The following ZNF737 variants were observed in gnomAD, a reference collection of about 807,000 sequenced individuals.
The protein encoded by ZNF737 is zinc finger protein 737.
Under a neutral mutation model 11.7 loss-of-function variants are expected in ZNF737, and 13 were observed. That is an observed-to-expected ratio of 1.11 (90% confidence interval 0.73 to 1.77). The LOEUF (loss-of-function observed/expected upper bound fraction) is 1.77, where lower values mean the gene tolerates loss of function less well. Ranked by LOEUF, ZNF737 falls within the 40% of genes most tolerant of loss-of-function variation. ZNF737 has a pLI of 0.00. For missense variants in ZNF737, 636 were observed against 638.0 expected, an observed-to-expected ratio of 1.00 and a Z score of 0.03; for synonymous variants, 217 against 216.2, an observed-to-expected ratio of 1.00 and a Z score of -0.03.
chr19:20,552,701 A>C (rs1187346404), intron 2 of ZNF737, 131 bp from the exon 3 acceptor site: 1 of 580,786 alleles, frequency 1.7e-6, no homozygotes, highest in East Asian at 4.2e-5. Context: ...TATAACAGAA[A>C]TTTCTAAATA....
rs782775437 is a variant in ZNF737 at position 20,565,674 on chromosome 19, C to G, written c.-34G>C. 18 of 1,614,042 alleles carry G rather than the reference C, an allele frequency of 1.1e-5. No individual in the cohort carries two copies. Among genetic ancestry groups the G allele is most frequent in the Non-Finnish European group, 1.4e-5 (17 of 1,180,032 alleles). ...TTCCAGGGGCTCCCGGGCGTCTTAG[C>G]TGTGGATCTCCCAATACCTGCAGGA... On this transcript the variant is annotated 5_prime_UTR_variant, in exon 1 of 4. Transcript: ENST00000427401.
chr19:20,547,743 C>T (rs7248139), intron 3 of ZNF737, among the ~76,000 whole-genome samples: 10,053 of 152,126 alleles, frequency 0.066, 396 homozygotes, highest in Middle Eastern at 0.17. Context: ...GATCAACTTA[C>T]ACCCATTAGG....
chr19:20,552,438 T>G (rs1555758743), intron 3 of ZNF737, 37 bp downstream of exon 3: 1 of 1,459,626 alleles, frequency 6.9e-7, no homozygotes. Flanking sequence ...ACCTCTTATC[T>G]GTGTCGTCTG....
chr19:20,556,192 T>C (rs1395090115), intron 1 of ZNF737, among the ~76,000 whole-genome samples: 1 of 152,120 alleles, frequency 6.6e-6, no homozygotes, highest in African/African-American at 2.4e-5. Context: ...GGCCACCCTT[T>C]AGTGCAAAGG....
rs1283226447 is a variant in ZNF737, at chr19:20,542,890, T to C, written c.*1702A>G. On this transcript the variant is annotated 3_prime_UTR_variant, in exon 4 of 4. Coordinates refer to ENST00000427401, the MANE Select transcript of ZNF737 (RefSeq NM_001159293.2). ...ATTTGAAAGCTGTATTACATCATTA[T>C]TCAGCTTTCAAAAAATTTTATTCAA... The C allele has an allele frequency of 3.0e-6, 3 of 985,194 alleles. No homozygotes were observed. Among genetic ancestry groups the C allele is most frequent in the Non-Finnish European group, 3.6e-6 (3 of 829,810 alleles). 61.0% of individuals were successfully genotyped at this position (985,194 alleles called of 1,614,324 possible).
rs1968262898 is a variant in ZNF737, at chr19:20,542,671, A to G, written c.*1921T>C. On this transcript the variant is annotated 3_prime_UTR_variant, in exon 4 of 4. Transcript: ENST00000427401. ...ATTGCTCTGAACATTTACGTTATACATTACTTAATAGAATTTTACTACAAA... is the reference window on the plus strand; with the variant it reads ...ATTGCTCTGAACATTTACGTTATACGTTACTTAATAGAATTTTACTACAAA... The G allele has an allele frequency of 3.1e-6, 3 of 983,298 alleles. No homozygotes were observed. Among genetic ancestry groups the G allele is most frequent in the Non-Finnish European group, 3.6e-6 (3 of 828,020 alleles). The allele number at this position is 983,298 out of a possible 1,614,324, so 60.9% of individuals were successfully genotyped here.
downstream of ZNF737, chr19:20,535,961 T>A (rs1351700777): frequency 1.8e-6 from 1 of 568,814 alleles, no homozygotes; most frequent in African/African-American, 2.0e-5. Flanking sequence ...TTCTTCAGGA[T>A]TTTTCAGGGG....
At position 20,538,734 on chromosome 19, in the gene ZNF737, A is replaced by G. The variant is rs1325882929; in HGVS notation, c.*5858T>C. On this transcript the variant is annotated 3_prime_UTR_variant, in exon 4 of 4. Transcript: ENST00000427401. ...GCTGAGTGGAGGCACCACACTGCAC[A>G]TCAATGCTTTCCACATGCACCCAAT... is the stretch of plus-strand genomic sequence containing the variant. The G allele has an allele frequency of 3.0e-5, 30 of 985,304 alleles. No individual in the cohort carries two copies. The highest frequency in any genetic ancestry group is 3.6e-5 in the Non-Finnish European group (30 of 829,920). 61.0% of individuals were successfully genotyped at this position (985,304 alleles called of 1,614,324 possible).
Position 20,545,101 on chromosome 19 carries a change from G to T in ZNF737, c.1102C>A (p.Pro368Thr), listed in dbSNP as rs533044621. Residue 368 changes from proline to threonine, a missense_variant, in exon 4 of 4, where the codon CCC becomes ACC. Physicochemically the swap from Pro to Thr is conservative, Grantham distance 38 (BLOSUM62 -1). Coordinates refer to ENST00000427401, the MANE Select transcript of ZNF737 (RefSeq NM_001159293.2). ...THKIIHSGEK[P>T]YKCEECGKAF... ...TTGCCACATTCTTCACATTTGTAGG[G>T]TTTCTCTCCACTATGAATTATCTTG... 57 of 1,611,044 alleles carry T rather than the reference G, an allele frequency of 3.5e-5. No individual in the cohort carries two copies. Among genetic ancestry groups the T allele is most frequent in the Non-Finnish European group, 4.7e-5 (55 of 1,178,470 alleles).
intron 3 of ZNF737, among the ~76,000 whole-genome samples, chr19:20,549,046 T>C (rs1244736757): frequency 6.8e-6 from 1 of 146,656 alleles, no homozygotes; most frequent in African/African-American, 2.5e-5. Flanking sequence ...AGCAAATATA[T>C]ATTCATTGTT....
rs145412955 is a variant in ZNF737 at position 20,538,656 on chromosome 19, C to A, written c.*5936G>T. 4 of 985,054 alleles carry A rather than the reference C, an allele frequency of 4.1e-6. No homozygotes were observed. Among genetic ancestry groups the A allele is most frequent in the Non-Finnish European group, 3.6e-6 (3 of 829,728 alleles). The allele number at this position is 985,054 out of a possible 1,614,324, so 61.0% of individuals were successfully genotyped here. A position where few individuals can be genotyped will look rare whatever the true frequency, so the allele number is the denominator to read the frequency against. On this transcript the variant is annotated 3_prime_UTR_variant, in exon 4 of 4. Coordinates refer to ENST00000427401, the MANE Select transcript of ZNF737 (RefSeq NM_001159293.2). Reference sequence around the variant, plus strand: ...CAAACATTTCTAAAACCATTATGGACCCTGAGTAATTCAGGGGGAATTGGT... The same window carrying A: ...CAAACATTTCTAAAACCATTATGGAACCTGAGTAATTCAGGGGGAATTGGT...
intron 1 of ZNF737, among the ~76,000 whole-genome samples, chr19:20,555,337 C>T (rs906666298): frequency 7.2e-5 from 11 of 152,042 alleles, no homozygotes; most frequent in South Asian, 2.1e-4. Context: ...CACCCACTGC[C>T]ATGCCTGGCT....
In ZNF737 at chr19:20,565,557, C is replaced by G. The variant is rs1182202876; in HGVS notation, c.3+81G>C. 7 of 1,608,668 alleles carry G rather than the reference C, an allele frequency of 4.4e-6. No individual in the cohort carries two copies. The African/African-American group carries it at 8.0e-5, about 18-fold the overall frequency. ...GATTGTGGAGCTGACTGCGCAGAGG[C>G]CTGAGTCCCGCCACAGCCACTTCCC... On this transcript the variant is annotated intron_variant, in intron 1 of 3. Coordinates refer to ENST00000427401, the MANE Select transcript of ZNF737 (RefSeq NM_001159293.2).
chr19:20,561,899 G>A (rs1253964239), intron 1 of ZNF737, among the ~76,000 whole-genome samples: 2 of 152,164 alleles, frequency 1.3e-5, no homozygotes, highest in African/African-American at 4.8e-5. Flanking sequence ...CTGCAGTGAT[G>A]TTTAACAGTT....
chr19:20,540,193 A>G lies in ZNF737; in HGVS notation c.*4399T>C, dbSNP rs10854028. 398,256 of 982,688 alleles carry G rather than the reference A, an allele frequency of 0.41. 80,954 individuals carry two copies. The highest frequency in any genetic ancestry group is 0.48 in the Admixed American group (7,727 of 16,250). 60.9% of individuals were successfully genotyped at this position (982,688 alleles called of 1,614,324 possible). On this transcript the variant is annotated 3_prime_UTR_variant, in exon 4 of 4. Transcript: ENST00000427401. Reference sequence around the variant, plus strand: ...GCAGCTTACAACATGTTCTACCTAGAAGTCACTTACTTTCAGGCCAGCAGG... The same window carrying G: ...GCAGCTTACAACATGTTCTACCTAGGAGTCACTTACTTTCAGGCCAGCAGG...
At chr19:20,554,332 A>C (rs1048897567) in intron 1 of ZNF737, among the ~76,000 whole-genome samples, 8 of 152,252 alleles carry the variant, frequency 5.3e-5, no homozygotes, top group Admixed American at 5.2e-4. Flanking sequence ...TATTTTGTCA[A>C]ACATCCAGTA....
At chr19:20,564,587 G>A (rs1969223993) in intron 1 of ZNF737, among the ~76,000 whole-genome samples, 1 of 151,552 alleles carries the variant, frequency 6.6e-6, no homozygotes, top group Non-Finnish European at 1.5e-5. Context: ...GAGAGGCGGA[G>A]GTTGCAGTGA....
intron 1 of ZNF737, among the ~76,000 whole-genome samples, chr19:20,556,594 CATT>C (rs1251832926): frequency 6.6e-6 from 1 of 151,934 alleles, no homozygotes; most frequent in Admixed American, 6.5e-5. Context: ...CCCATTGGCT[CATT>C]ATTACCATTA....
In ZNF737 at chr19:20,545,043, T is replaced by A. The variant is rs782218954; in HGVS notation, c.1160A>T (p.His387Leu). The A allele has an allele frequency of 6.2e-7, 1 of 1,613,952 alleles. No individual in the cohort carries two copies. Among genetic ancestry groups the A allele is most frequent in the East Asian group, 2.2e-5 (1 of 44,858 alleles). Reference sequence around the variant, plus strand: ...TTTCTCTCCAGTATGAATTCTCTTATGTGTAGTAAGGTGTGAGGACCAGTT... The same window carrying A: ...TTTCTCTCCAGTATGAATTCTCTTAAGTGTAGTAAGGTGTGAGGACCAGTT... ...AFNWSSHLTT[H>L]KRIHTGEKPY... is the part of the protein sequence containing the mutation. The change falls in exon 4 of 4, where the codon CAT becomes CTT. Residue 387 changes from histidine (H) to leucine (L), a missense_variant. His to Leu is a moderately conservative substitution (Grantham distance 99). Coordinates refer to ENST00000427401, the MANE Select transcript of ZNF737 (RefSeq NM_001159293.2).
Sources: allele counts gnomAD v4.1 joint callset (sites outside exome capture counted in the v4.1 genomes callset), GRCh38; gene constraint gnomAD v4.1.1; transcripts MANE v1.5; gene names NCBI Gene and HGNC (gene_info 2026-07-23, HGNC 2026-07-21).